Variants in PZP observed in about 807,000 individuals in gnomAD.
The protein encoded by PZP is PZP alpha-2-macroglobulin like, also known as pregnancy zone protein.
A neutral mutation model predicts 179.8 loss-of-function variants in PZP; 150 were observed. That is an observed-to-expected ratio of 0.83 (90% CI 0.73 to 0.96). The LOEUF is 0.96. PZP is among the 40% of genes least tolerant of loss of function. The pLI is 0.00. For synonymous variants in PZP, 624 were observed against 652.3 expected (o/e 0.96, Z 0.66); for missense variants, 1,689 against 1,764.0 (o/e 0.96, Z 0.76).
intron 10 of PZP, among the ~76,000 whole-genome samples, chr12:9,194,496 G>C (rs1270547855): frequency 8.0e-6 from 1 of 125,708 alleles, no homozygotes; most frequent in Non-Finnish European, 1.6e-5. Flanking sequence ...ACGGAGTCTC[G>C]CTCTGTCGCC....
intron 13 of PZP, 44 bp from the exon 14 acceptor site, chr12:9,182,161 A>C: frequency 6.4e-7 from 1 of 1,574,644 alleles, no homozygotes; most frequent in Non-Finnish European, 8.6e-7. Context: ...TAAGTGAGAC[A>C]AAAAGGTCAT....
chr12:9,146,151 T>C (rs1481916764), downstream of PZP, among the ~76,000 whole-genome samples: 1 of 152,128 alleles, frequency 6.6e-6, no homozygotes, highest in Non-Finnish European at 1.5e-5. Flanking sequence ...CTGACTCTCA[T>C]AATTTGTATA....
chr12:9,202,493 G>A (rs771571595), intron 3 of PZP, 32 bp downstream of exon 3: 7 of 1,613,538 alleles, frequency 4.3e-6, no homozygotes, highest in Non-Finnish European at 5.9e-6. Context: ...CCTTCTCAGT[G>A]TTGCCCCAAA....
intron 13 of PZP, among the ~76,000 whole-genome samples, chr12:9,188,251 A>T (rs1367718903): frequency 6.6e-6 from 1 of 152,252 alleles, no homozygotes; most frequent in Non-Finnish European, 1.5e-5. Flanking sequence ...ATTCATTCAT[A>T]TAAACAGAAC....
rs1374528041 is a variant in PZP at position 9,151,613 on chromosome 12, A to G, written c.4272T>C (p.Tyr1424=). Residue 1424 remains tyrosine, a synonymous_variant, in exon 33 of 36, where the codon TAT becomes TAC. Transcript: ENST00000261336. ...ATGTCAGAGCCCTCACCTGTTCCAC[A>G]TAAATGAGGACATGGTTGTTGCTCA... ...TEVSNNHVLI[Y]VEQVTNQTLS... is the part of the protein sequence containing the mutation. The G allele has an allele frequency of 1.9e-6, 3 of 1,613,884 alleles. No individual in the cohort carries two copies. The highest frequency in any genetic ancestry group is 1.3e-5 in the African/African-American group (1 of 75,048).
At chr12:9,156,330 C>A (rs1362524532) in intron 28 of PZP, 3 of 207,192 alleles carry the variant, frequency 1.4e-5, no homozygotes, top group East Asian at 1.1e-4. Flanking sequence ...GTCCTACTGA[C>A]CATCTTCCCC....
chr12:9,199,381 G>T (rs773261554), intron 7 of PZP, among the ~76,000 whole-genome samples: 1 of 152,236 alleles, frequency 6.6e-6, no homozygotes, highest in African/African-American at 2.4e-5. Flanking sequence ...TACATATGAA[G>T]AAAAGGAGAA....
intron 15 of PZP, among the ~76,000 whole-genome samples, chr12:9,179,714 G>A (rs1942632841): frequency 6.6e-6 from 1 of 152,174 alleles, no homozygotes; most frequent in African/African-American, 2.4e-5. Flanking sequence ...TATTTAGACA[G>A]GATCCAAACT....
intron 28 of PZP, 51 bp downstream of exon 28, chr12:9,157,124 C>A: frequency 6.4e-7 from 1 of 1,552,446 alleles, no homozygotes; most frequent in Non-Finnish European, 8.8e-7. Flanking sequence ...TGTTCCCCTC[C>A]CTGTGTCTAT....
At chr12:9,162,559 G>C in intron 22 of PZP, 38 bp downstream of exon 22, 1 of 1,458,890 alleles carries the variant, frequency 6.9e-7, no homozygotes, top group Non-Finnish European at 9.5e-7. Context: ...CCCCTTTGTG[G>C]TTTTGATCTC....
chr12:9,196,744 T>C, intron 8 of PZP, 59 bp from the exon 9 acceptor site: 1 of 1,404,296 alleles, frequency 7.1e-7, no homozygotes, highest in Non-Finnish European at 1.0e-6. Flanking sequence ...AGTCACTGAA[T>C]CTACTATTCT....
chr12:9,187,210 C>A (rs1943183413), intron 13 of PZP, among the ~76,000 whole-genome samples: 1 of 151,986 alleles, frequency 6.6e-6, no homozygotes. Flanking sequence ...GCTTAGAGAC[C>A]TTCAAAGAGA....
the PZP span, among the ~76,000 whole-genome samples, chr12:9,138,821 A>G: frequency 3.3e-5 from 5 of 152,042 alleles, no homozygotes; most frequent in Non-Finnish European, 7.4e-5. Context: ...AAGAGCAGTT[A>G]TAATGTATCT....
rs1943792341 is a variant in PZP at position 9,196,652 on chromosome 12, G to A, written c.901C>T (p.His301Tyr). The A allele has an allele frequency of 6.2e-7, 1 of 1,613,320 alleles. No individual in the cohort carries two copies. Among genetic ancestry groups the A allele is most frequent in the Non-Finnish European group, 8.5e-7 (1 of 1,179,466 alleles). ...NSNGCITQQV[H>Y]TKMLQITNTG... ...TTTGTAATCTGGAGCATTTTGGTGT[G>A]TACTTGTTGGGTGATGCAGCCATTG... Residue 301 changes from histidine to tyrosine, a missense_variant, in exon 9 of 36, where the codon CAC (histidine) becomes TAC (tyrosine). Physicochemically the swap from His to Tyr is moderately conservative, Grantham distance 83. Coordinates refer to ENST00000261336, the MANE Select transcript of PZP (RefSeq NM_002864.3).
intron 7 of PZP, 76 bp downstream of exon 7, chr12:9,200,288 T>G: frequency 1.0e-6 from 1 of 988,022 alleles, no homozygotes; most frequent in Non-Finnish European, 1.5e-6. Flanking sequence ...CAAAGTAAAT[T>G]TATAATTTTG....
At chr12:9,145,162 T>C (rs1939943042), downstream of PZP, among the ~76,000 whole-genome samples, 1 of 152,232 alleles carries the variant, frequency 6.6e-6, no homozygotes, top group South Asian at 2.1e-4. Flanking sequence ...TTTACTCAAT[T>C]TGCATTTAAA....
At chr12:9,194,341 C>T (rs1943625308) in intron 10 of PZP, 103 bp from the exon 11 acceptor site, 17 of 1,106,970 alleles carry the variant, frequency 1.5e-5, no homozygotes, top group Non-Finnish European at 3.8e-6. Context: ...CAACAACCTC[C>T]CCCTCAAAAA....
chr12:9,189,427 C>A (rs1460561071), intron 13 of PZP, among the ~76,000 whole-genome samples: 1 of 152,218 alleles, frequency 6.6e-6, no homozygotes, highest in African/African-American at 2.4e-5. Flanking sequence ...GCTGAGATAA[C>A]TGGCTAGCCA....
intron 35 of PZP, 148 bp from the exon 36 acceptor site, chr12:9,149,142 C>G (rs1940169526): frequency 1.5e-6 from 1 of 687,342 alleles, no homozygotes; most frequent in African/African-American, 1.8e-5. Context: ...GCCATGTGGT[C>G]TGTCATGACT....
Sources: allele counts gnomAD v4.1 joint callset (sites outside exome capture counted in the v4.1 genomes callset), GRCh38; gene constraint gnomAD v4.1.1; transcripts MANE v1.5; gene names NCBI Gene and HGNC (gene_info 2026-07-23, HGNC 2026-07-21).